The following NPHP1 variants were observed in gnomAD, a reference collection of about 807,000 sequenced individuals.
NPHP1 encodes nephrocystin-1.
A neutral mutation model predicts 90.4 loss-of-function variants in NPHP1; 70 were observed. The ratio of observed to expected loss-of-function variants is 0.77; its 90% CI spans 0.64 to 0.95. The LOEUF is 0.95. Among genes scored for constraint, NPHP1 ranks in the 40% least tolerant of loss-of-function variants. The pLI is 0.00. For synonymous variants in NPHP1, 256 were observed against 271.7 expected (o/e 0.94, Z 0.57); for missense variants, 764 against 795.9 (o/e 0.96, Z 0.48).
chr2:110,179,518 C>A, intron 3 of NPHP1, 106 bp downstream of exon 3: 1 of 643,382 alleles, frequency 1.6e-6, no homozygotes, highest in Admixed American at 2.2e-5. Flanking sequence ...TAGACTATAT[C>A]ACTAACGTAA....
At chr2:110,128,783 C>T (rs560332591) in intron 18 of NPHP1, 80 of 233,478 alleles carry the variant, frequency 3.4e-4, no homozygotes, top group African/African-American at 1.7e-3. Context: ...TTTAACATAA[C>T]ACTCAACAGT....
chr2:110,158,604 C>CT (rs1180991755), intron 11 of NPHP1, among the ~76,000 whole-genome samples: 1 of 151,914 alleles, frequency 6.6e-6, no homozygotes, highest in Non-Finnish European at 1.5e-5. Context: ...TTTTCTCATC[C>CT]TTTTTTTCTC....
chr2:110,191,397 C>G (rs1684722974), intron 2 of NPHP1, among the ~76,000 whole-genome samples: 1 of 152,184 alleles, frequency 6.6e-6, no homozygotes, highest in Non-Finnish European at 1.5e-5. Flanking sequence ...GGTCCTACGC[C>G]CAGAGAGCCT....
chr2:110,137,694 T>G (rs1179262779), intron 16 of NPHP1, among the ~76,000 whole-genome samples: 3 of 151,900 alleles, frequency 2.0e-5, no homozygotes, highest in East Asian at 1.9e-4. Context: ...GGAGAGGATG[T>G]GGAGAAATAG....
chr2:110,138,991 T>C (rs1249614213), intron 16 of NPHP1, among the ~76,000 whole-genome samples: 1 of 152,110 alleles, frequency 6.6e-6, no homozygotes, highest in East Asian at 1.9e-4. Context: ...TCTGGGCTGC[T>C]AAAGGTTAGC....
At chr2:110,165,306 A>G in intron 6 of NPHP1, 151 bp from the exon 7 acceptor site, 1 of 672,816 alleles carries the variant, frequency 1.5e-6, no homozygotes, top group Non-Finnish European at 2.6e-6. Context: ...ACTTTCAGAA[A>G]ATCTTGAGCA....
chr2:110,190,309 C>T (rs954396195), intron 2 of NPHP1, among the ~76,000 whole-genome samples: 2 of 152,172 alleles, frequency 1.3e-5, no homozygotes, highest in Non-Finnish European at 1.5e-5. Context: ...GAGGCTCGGG[C>T]CGCACAGGAG....
chr2:110,135,185 A>G (rs990605238), intron 16 of NPHP1, among the ~76,000 whole-genome samples: 1 of 152,168 alleles, frequency 6.6e-6, no homozygotes, highest in Non-Finnish European at 1.5e-5. Context: ...AATTTACAAT[A>G]GCATCAAAAA....
intron 3 of NPHP1, among the ~76,000 whole-genome samples, chr2:110,179,192 C>T (rs1243555430): frequency 6.6e-6 from 1 of 151,616 alleles, no homozygotes; most frequent in African/African-American, 2.4e-5. Flanking sequence ...AGGTTAAATT[C>T]CTGTTCCTCT....
intron 8 of NPHP1, chr2:110,163,903 C>T (rs1394949257): frequency 6.5e-6 from 1 of 153,980 alleles, no homozygotes; most frequent in Non-Finnish European, 1.4e-5. Context: ...CCAGGTGATC[C>T]ACCCGCCTTG....
intron 16 of NPHP1, among the ~76,000 whole-genome samples, chr2:110,137,939 T>C (rs1462012962): frequency 1.3e-5 from 2 of 150,826 alleles, no homozygotes; most frequent in Non-Finnish European, 3.0e-5. Context: ...TGTCCAACAA[T>C]GATAGACTGG....
At chr2:110,198,041 T>C (rs1685287608) in intron 2 of NPHP1, among the ~76,000 whole-genome samples, 1 of 151,866 alleles carries the variant, frequency 6.6e-6, no homozygotes, top group South Asian at 2.1e-4. Flanking sequence ...CAAAAAATGA[T>C]TAAAACGTTT....
At chr2:110,172,609 T>G (rs1683214345) in intron 4 of NPHP1, among the ~76,000 whole-genome samples, 1 of 152,066 alleles carries the variant, frequency 6.6e-6, no homozygotes, top group Non-Finnish European at 1.5e-5. Context: ...AGTGAGACCC[T>G]GCCTCTACAA....
intron 4 of NPHP1, among the ~76,000 whole-genome samples, chr2:110,170,784 A>T (rs1004481693): frequency 1.3e-5 from 2 of 152,162 alleles, no homozygotes; most frequent in African/African-American, 4.8e-5. Flanking sequence ...TTAGGTCTTG[A>T]GAGATGATAT....
intron 11 of NPHP1, among the ~76,000 whole-genome samples, chr2:110,154,233 A>G (rs1425850525): frequency 6.6e-6 from 1 of 152,116 alleles, no homozygotes; most frequent in East Asian, 1.9e-4. Flanking sequence ...GTCTGCCACC[A>G]TTTGAGAGGT....
At chr2:110,144,415 A>T (rs1249222510) in intron 15 of NPHP1, 78 bp downstream of exon 15, 1 of 907,104 alleles carries the variant, frequency 1.1e-6, no homozygotes, top group Non-Finnish European at 1.8e-6. Context: ...CGCTATGCTT[A>T]TTAGAATGTA....
chr2:110,151,211 C>T (rs1435384521), intron 11 of NPHP1, among the ~76,000 whole-genome samples: 1 of 149,106 alleles, frequency 6.7e-6, no homozygotes, highest in African/African-American at 2.4e-5. Context: ...ACAAGCATTT[C>T]ACATGCAGTT....
chr2:110,178,229 C>CTATG, intron 4 of NPHP1, 194 bp downstream of exon 4: 1 of 602,812 alleles, frequency 1.7e-6, no homozygotes, highest in Non-Finnish European at 2.9e-6. Context: ...AGGGCAGAGA[C>CTATG]TATGACTTAC....
chr2:110,170,058 T>C (rs1416300124), intron 4 of NPHP1, 60 bp from the exon 5 acceptor site: 1 of 1,602,092 alleles, frequency 6.2e-7, no homozygotes, highest in Non-Finnish European at 8.5e-7. Flanking sequence ...AGACCAGCTA[T>C]GAGTGTAACT....
Sources: gnomAD v4.1 joint callset for allele counts (sites outside exome capture counted in the v4.1 genomes callset) on GRCh38, gnomAD v4.1.1 for gene constraint, MANE v1.5 for transcripts, NCBI Gene and HGNC (gene_info 2026-07-23, HGNC 2026-07-21) for gene names.